The following SMOC1 variants were observed in gnomAD, a reference collection of about 807,000 sequenced individuals.
The protein encoded by SMOC1 is SPARC-related modular calcium-binding protein 1.
SMOC1 carries 22 observed loss-of-function variants against 56.3 expected under a neutral mutation model. The observed-to-expected ratio is 0.39, with a 90% confidence interval of 0.28 to 0.56. The LOEUF is 0.56. Among genes scored for constraint, SMOC1 ranks in the 20% least tolerant of loss-of-function variants. The pLI, the probability that SMOC1 is intolerant of heterozygous loss-of-function variation, is 0.61. For synonymous variants in SMOC1, 193 were observed against 215.0 expected (o/e 0.90, Z 0.89); for missense variants, 509 against 565.4 (o/e 0.90, Z 1.01).
chr14:70,028,993 C>A (rs1240217427), intron 11 of SMOC1, among the ~76,000 whole-genome samples: 1 of 152,182 alleles, frequency 6.6e-6, no homozygotes, highest in East Asian at 1.9e-4. Flanking sequence ...TCCATGAATT[C>A]AGTGGATCCT....
chr14:69,988,417 C>T (rs1240155821), intron 5 of SMOC1, among the ~76,000 whole-genome samples: 1 of 152,004 alleles, frequency 6.6e-6, no homozygotes, highest in African/African-American at 2.4e-5. Flanking sequence ...CATGCATATA[C>T]AGATTCACAT....
At chr14:69,885,266 C>CTT (rs201984545) in intron 1 of SMOC1, 88,495 of 704,766 alleles carry the variant, frequency 0.13, 2,853 homozygotes, top group African/African-American at 0.24. Context: ...CGAACAACTT[C>CTT]TTTTTTTTTT....
Position 70,030,491 on chromosome 14 carries a change from C to T in SMOC1, c.*233C>T. On this transcript the variant is annotated 3_prime_UTR_variant, in exon 12 of 12. Coordinates refer to ENST00000361956, the MANE Select transcript of SMOC1 (RefSeq NM_001034852.3). ...GGAAAGGGAAGAAAGACTTTATTCTCTCTCTTATTGTAAGTTTTTGGATCT... is the reference window on the plus strand; with the variant it reads ...GGAAAGGGAAGAAAGACTTTATTCTTTCTCTTATTGTAAGTTTTTGGATCT... The T allele has an allele frequency of 7.8e-6, 3 of 382,460 alleles. No homozygotes were observed. The highest frequency in any genetic ancestry group is 4.6e-5 in the Admixed American group (1 of 21,706). 23.7% of individuals were successfully genotyped at this position (382,460 alleles called of 1,614,324 possible). A position where few individuals can be genotyped will look rare whatever the true frequency, so the allele number is the denominator to read the frequency against.
intron 1 of SMOC1, among the ~76,000 whole-genome samples, chr14:69,930,562 T>A (rs1408900917): frequency 6.6e-6 from 1 of 152,106 alleles, no homozygotes; most frequent in East Asian, 1.9e-4. Context: ...GGGTAAGTGA[T>A]GGCAGCCAGG....
intron 1 of SMOC1, among the ~76,000 whole-genome samples, chr14:69,883,782 C>A (rs577465666): frequency 7.4e-4 from 113 of 152,138 alleles, no homozygotes; most frequent in African/African-American, 2.5e-3. Context: ...ATATCCTTAC[C>A]AGCACTTGTT....
chr14:69,890,147 A>G lies in SMOC1; in HGVS notation c.99+10370A>G, dbSNP rs1427110703. ...GTGCTTTACAATTGAAGCCATCATTATGACCAGCATCTGTTAGTTTCTTTC... is the reference window on the plus strand; with the variant it reads ...GTGCTTTACAATTGAAGCCATCATTGTGACCAGCATCTGTTAGTTTCTTTC... On this transcript the variant is annotated intron_variant, in intron 1 of 11. Transcript: ENST00000361956. Among the ~76,000 whole-genome samples, 3 of 152,228 alleles carry G rather than the reference A, an allele frequency of 2.0e-5. No homozygotes were observed. In the East Asian group the frequency reaches 5.8e-4, roughly 29 times the overall value.
At chr14:69,935,451 C>G (rs1191916315) in intron 1 of SMOC1, among the ~76,000 whole-genome samples, 1 of 152,208 alleles carries the variant, frequency 6.6e-6, no homozygotes, top group African/African-American at 2.4e-5. Flanking sequence ...AGGCAGTCAG[C>G]CCTGTATTTT....
intron 2 of SMOC1, among the ~76,000 whole-genome samples, chr14:69,952,827 C>A (rs890989044): frequency 6.6e-6 from 1 of 152,186 alleles, no homozygotes; most frequent in Non-Finnish European, 1.5e-5. Flanking sequence ...TAACAGCTAC[C>A]GCTTTAAAGG....
intron 1 of SMOC1, among the ~76,000 whole-genome samples, chr14:69,949,617 C>G (rs1165176467): frequency 1.3e-5 from 2 of 152,112 alleles, no homozygotes; most frequent in African/African-American, 4.8e-5. Context: ...TGGAAGAGAC[C>G]GCCTGAGCCA....
intron 1 of SMOC1, among the ~76,000 whole-genome samples, chr14:69,883,921 A>G: frequency 2.2e-5 from 1 of 45,198 alleles, no homozygotes; most frequent in South Asian, 8.7e-4. Context: ...TTTTTTTGAG[A>G]CGGAGTCTCG....
At chr14:69,992,318 C>G in intron 5 of SMOC1, 99 bp from the exon 6 acceptor site, 1 of 1,147,846 alleles carries the variant, frequency 8.7e-7, no homozygotes. Flanking sequence ...CTTGGCCGGG[C>G]CTTGTACAAA....
chr14:70,013,807 T>A (rs757183443), intron 10 of SMOC1, among the ~76,000 whole-genome samples: 8 of 152,144 alleles, frequency 5.3e-5, no homozygotes, highest in Non-Finnish European at 1.2e-4. Flanking sequence ...GAGTTCTGAA[T>A]GGCAGGAAGG....
At chr14:69,909,136 A>C (rs996161931) in intron 1 of SMOC1, among the ~76,000 whole-genome samples, 1 of 152,056 alleles carries the variant, frequency 6.6e-6, no homozygotes, top group African/African-American at 2.4e-5. Flanking sequence ...GAAGACAGGG[A>C]CTGTCTTAAA....
At chr14:69,998,917 G>C (rs1884869830) in intron 7 of SMOC1, among the ~76,000 whole-genome samples, 1 of 151,984 alleles carries the variant, frequency 6.6e-6, no homozygotes, top group South Asian at 2.1e-4. Context: ...CTAGACCCTG[G>C]CCCTGTGAGT....
chr14:70,029,748 C>T (rs1886068960), intron 11 of SMOC1, among the ~76,000 whole-genome samples: 1 of 152,144 alleles, frequency 6.6e-6, no homozygotes, highest in Non-Finnish European at 1.5e-5. Flanking sequence ...TTTCTGGGCT[C>T]CTCAGGGGTG....
chr14:69,977,455 C>T lies in SMOC1; in HGVS notation c.479-463C>T, dbSNP rs141397434. Among the ~76,000 whole-genome samples the T allele has an allele frequency of 1.1e-3, 165 of 152,296 alleles. 1 individual carries two copies. Among genetic ancestry groups the T allele is most frequent in the African/African-American group, 3.6e-3 (151 of 41,556 alleles). The stretch of plus-strand genomic sequence containing the variant: ...TTTCTACTTAATGCAGATGGAGAAT[C>T]GCTGATTTCCTGTCCTAACCAGCAA... On this transcript the variant is annotated intron_variant, in intron 4 of 11. Transcript: ENST00000361956.
Position 69,953,466 on chromosome 14 carries a change from G to A in SMOC1, c.312G>A (p.Glu104=). Residue 104 remains glutamate, a synonymous_variant, in exon 3 of 12, where the codon GAG becomes GAA. Transcript: ENST00000361956. ...GCCTGGAGCGGGCTCAAGCCCTGGA[G>A]CAAGCCAAGAAGCCTCAGGAAGCTG... is the stretch of plus-strand genomic sequence containing the variant. The part of the protein sequence containing the change: ...KCRLERAQAL[E]QAKKPQEAVF... 1 of 1,614,258 alleles carries A rather than the reference G, an allele frequency of 6.2e-7. No individual in the cohort carries two copies. Among genetic ancestry groups the A allele is most frequent in the Non-Finnish European group, 8.5e-7 (1 of 1,180,046 alleles).
intron 1 of SMOC1, among the ~76,000 whole-genome samples, chr14:69,888,216 CT>C (rs1228939111): frequency 6.6e-6 from 1 of 152,158 alleles, no homozygotes; most frequent in African/African-American, 2.4e-5. Flanking sequence ...TCATGAGTCA[CT>C]GAGAGGTTCA....
chr14:69,932,967 C>T (rs1387965650), intron 1 of SMOC1, among the ~76,000 whole-genome samples: 1 of 152,152 alleles, frequency 6.6e-6, no homozygotes, highest in Non-Finnish European at 1.5e-5. Flanking sequence ...ACATGGAACT[C>T]TTCTTACACC....
Sources: gnomAD v4.1 joint callset for allele counts (sites outside exome capture counted in the v4.1 genomes callset) on GRCh38, gnomAD v4.1.1 for gene constraint, MANE v1.5 for transcripts, NCBI Gene and HGNC (gene_info 2026-07-23, HGNC 2026-07-21) for gene names.